TBC1D7: variants seen among roughly 807,000 people sequenced by gnomAD.
TBC1D7 encodes TBC1 domain family member 7, also known as TBC domain family 7.
A neutral mutation model predicts 35.3 loss-of-function variants in TBC1D7; 33 were observed. The ratio of observed to expected loss-of-function variants is 0.93; its 90% CI spans 0.71 to 1.25. The LOEUF (loss-of-function observed/expected upper bound fraction) is 1.25, where lower values mean the gene tolerates loss of function less well. Ranked by LOEUF, TBC1D7 falls within the 50% of genes most tolerant of loss-of-function variation. The pLI, the probability that TBC1D7 is intolerant of heterozygous loss-of-function variation, is 0.00. For synonymous variants in TBC1D7, 135 were observed against 129.5 expected, an observed-to-expected ratio of 1.04 and a Z score of -0.29; for missense variants, 362 against 365.3, an observed-to-expected ratio of 0.99 and a Z score of 0.07.
chr6:13,326,373 G>T (rs1271419310), intron 2 of TBC1D7, among the ~76,000 whole-genome samples: 2 of 150,964 alleles, frequency 1.3e-5, no homozygotes, highest in Admixed American at 1.3e-4. Flanking sequence ...TGAGGCAGGA[G>T]AATCACTTGA....
At chr6:13,313,211 A>G (rs1173474250) in intron 5 of TBC1D7, among the ~76,000 whole-genome samples, 1 of 152,208 alleles carries the variant, frequency 6.6e-6, no homozygotes, top group Non-Finnish European at 1.5e-5. Context: ...CTACAGATCC[A>G]AGAGTGACTA....
chr6:13,315,038 G>A lies in TBC1D7; in HGVS notation c.519+1533C>T, dbSNP rs540810466. On this transcript the variant is annotated intron_variant, in intron 5 of 7. Coordinates refer to ENST00000379300, the MANE Select transcript of TBC1D7 (RefSeq NM_016495.6). ...ATGTGCCCCTCCTATGTCACTCACA[G>A]AGCCCCTGTTTTAGTAGGAGATCAC... Among the ~76,000 whole-genome samples, 14 of 152,142 alleles carry A rather than the reference G, an allele frequency of 9.2e-5. No homozygotes were observed. The Middle Eastern group carries it at 0.014, about 148-fold the overall frequency.
intron 4 of TBC1D7, 75 bp from the exon 5 acceptor site, chr6:13,316,783 A>C: frequency 6.5e-7 from 1 of 1,545,376 alleles, no homozygotes; most frequent in Non-Finnish European, 8.8e-7. Context: ...TAAAAAATGA[A>C]ACCTTGCTCC....
At chr6:13,312,517 G>C (rs532488307) in intron 5 of TBC1D7, among the ~76,000 whole-genome samples, 4 of 151,760 alleles carry the variant, frequency 2.6e-5, no homozygotes, top group Non-Finnish European at 5.9e-5. Context: ...GCGAAATCCC[G>C]TCTCTACTAA....
intron 3 of TBC1D7, among the ~76,000 whole-genome samples, chr6:13,321,879 C>T (rs949284109): frequency 2.0e-5 from 3 of 152,150 alleles, no homozygotes; most frequent in Non-Finnish European, 2.9e-5. Flanking sequence ...AAAAAATGCC[C>T]TCATCAAACA....
intron 2 of TBC1D7, among the ~76,000 whole-genome samples, chr6:13,326,027 G>C (rs1180064663): frequency 6.6e-6 from 1 of 152,206 alleles, no homozygotes; most frequent in Non-Finnish European, 1.5e-5. Flanking sequence ...AAATGTTTCA[G>C]AAACTTTAAA....
At chr6:13,324,889 T>C (rs1784299426) in intron 3 of TBC1D7, among the ~76,000 whole-genome samples, 1 of 152,214 alleles carries the variant, frequency 6.6e-6, no homozygotes, top group African/African-American at 2.4e-5. Flanking sequence ...TTCCCAGATC[T>C]TGTCTCAGGA....
intron 5 of TBC1D7, among the ~76,000 whole-genome samples, chr6:13,311,976 TAC>T (rs1039628404): frequency 4.0e-5 from 6 of 151,704 alleles, no homozygotes; most frequent in African/African-American, 9.7e-5. Flanking sequence ...TATATATATA[TAC>T]ACACACACAT....
At chr6:13,321,853 C>A (rs917761267) in intron 3 of TBC1D7, among the ~76,000 whole-genome samples, 12 of 152,088 alleles carry the variant, frequency 7.9e-5, no homozygotes, top group African/African-American at 2.9e-4. Flanking sequence ...CCACAGAATG[C>A]TAACCCCAAG....
chr6:13,327,968 A>G (rs1241526028), intron 1 of TBC1D7: 1 of 152,184 alleles, frequency 6.6e-6, no homozygotes, highest in African/African-American at 2.4e-5. Flanking sequence ...CACAGGAAAG[A>G]TTAGGATTCG....
rs766400367 is a variant in TBC1D7, at chr6:13,321,062, T to A, written c.227A>T (p.Lys76Met). 1.2e-6 allele frequency: 2 copies of A among 1,613,886 alleles called. No homozygotes were observed. Among genetic ancestry groups the A allele is most frequent in the South Asian group, 2.2e-5 (2 of 91,062 alleles). Residue 76 changes from lysine (K) to methionine (M), a missense_variant, in exon 4 of 8, where the codon AAG becomes ATG. Lys to Met is a moderately conservative substitution (Grantham distance 95, BLOSUM62 -1). Transcript: ENST00000379300. ...ILPPHHESHA[K>M]VMMYRKEQYL... ...CTGCTCCTTACGATACATCATCACCTTGGCATGGGACTCGTGGTGTGGAGG... is the reference window on the plus strand; with the variant it reads ...CTGCTCCTTACGATACATCATCACCATGGCATGGGACTCGTGGTGTGGAGG...
chr6:13,317,076 C>G (rs1243803297), intron 4 of TBC1D7, among the ~76,000 whole-genome samples: 1 of 152,184 alleles, frequency 6.6e-6, no homozygotes, highest in Non-Finnish European at 1.5e-5. Context: ...TAATAAACAG[C>G]ACCATCAGTA....
At chr6:13,325,242 A>C in intron 2 of TBC1D7, 68 bp from the exon 3 acceptor site, 3 of 1,188,470 alleles carry the variant, frequency 2.5e-6, no homozygotes, top group Non-Finnish European at 3.7e-6. Flanking sequence ...GGCACATTTC[A>C]TTTTTTAAAA....
intron 4 of TBC1D7, among the ~76,000 whole-genome samples, 192 bp from the exon 5 acceptor site, chr6:13,316,900 G>A (rs759217213): frequency 6.6e-6 from 1 of 152,104 alleles, no homozygotes; most frequent in South Asian, 2.1e-4. Flanking sequence ...TAACTACAGG[G>A]TCAGTGCTGC....
chr6:13,313,107 G>A (rs1009533151), intron 5 of TBC1D7, among the ~76,000 whole-genome samples: 16 of 152,222 alleles, frequency 1.1e-4, no homozygotes, highest in African/African-American at 3.9e-4. Context: ...AGATGTGTAG[G>A]TTATATGCAA....
intron 4 of TBC1D7, among the ~76,000 whole-genome samples, chr6:13,317,025 AAT>A (rs1326725179): frequency 6.6e-6 from 1 of 152,172 alleles, no homozygotes; most frequent in Non-Finnish European, 1.5e-5. Context: ...TCCACCCAAA[AAT>A]ATTCTCAGTA....
chr6:13,315,025 T>C (rs578080561), intron 5 of TBC1D7, among the ~76,000 whole-genome samples: 1 of 152,300 alleles, frequency 6.6e-6, no homozygotes, highest in South Asian at 2.1e-4. Context: ...GTGCCCCTCC[T>C]ATGTCACTCA....
intron 4 of TBC1D7, chr6:13,320,665 C>G: frequency 1.6e-6 from 1 of 642,748 alleles, no homozygotes; most frequent in South Asian, 1.8e-5. Flanking sequence ...TGGTAGTATT[C>G]TTGCAACTTT....
intron 5 of TBC1D7, among the ~76,000 whole-genome samples, chr6:13,311,802 G>C (rs1783232279): frequency 1.3e-5 from 2 of 152,132 alleles, no homozygotes; most frequent in South Asian, 4.2e-4. Context: ...TTTTGAAAAA[G>C]AGCAACAATA....
Sources: gnomAD v4.1 joint callset for allele counts (sites outside exome capture counted in the v4.1 genomes callset) on GRCh38, gnomAD v4.1.1 for gene constraint, MANE v1.5 for transcripts, NCBI Gene and HGNC (gene_info 2026-07-23, HGNC 2026-07-21) for gene names.